The following LPP variants were observed in gnomAD, a reference collection of about 807,000 sequenced individuals.
LPP encodes lipoma-preferred partner.
Under a neutral mutation model 60.4 loss-of-function variants are expected in LPP, and 38 were observed. The ratio of observed to expected loss-of-function variants is 0.63; its 90% CI spans 0.49 to 0.83. The LOEUF (loss-of-function observed/expected upper bound fraction) is 0.83. LPP is among the 40% of genes least tolerant of loss of function. LPP has a pLI of 0.00. For synonymous variants in LPP, 328 were observed against 290.8 expected, an observed-to-expected ratio of 1.13 and a Z score of -1.30; for missense variants, 902 against 783.6, an observed-to-expected ratio of 1.15 and a Z score of -1.80.
chr3:188,352,034 G>A lies in LPP; in HGVS notation c.-10+10315G>A, dbSNP rs950050304. ...TTCCCTAGCTAGCCTCGACCTCAAC[G>A]TGTATTATTTCCTCCCCCCTTGTCA... is the stretch of plus-strand genomic sequence containing the variant. On this transcript the variant is annotated intron_variant, in intron 3 of 11. Coordinates refer to ENST00000617246, the MANE Select transcript of LPP (RefSeq NM_001375462.1). This position sits in a 1 kb window ranked among gnomAD's most constrained non-coding sequence, Gnocchi z 4.4. Among the ~76,000 whole-genome samples, 2 of 152,044 alleles carry A rather than the reference G, an allele frequency of 1.3e-5. No homozygotes were observed. Among genetic ancestry groups the A allele is most frequent in the East Asian group, 1.9e-4 (1 of 5,174 alleles).
At chr3:188,278,846 C>T (rs892416637) in intron 2 of LPP, among the ~76,000 whole-genome samples, 2 of 152,100 alleles carry the variant, frequency 1.3e-5, no homozygotes, top group African/African-American at 4.8e-5. Flanking sequence ...CAAAGCCTAG[C>T]CCACTTGAAA....
chr3:188,372,576 C>A (rs1269758597), intron 3 of LPP, among the ~76,000 whole-genome samples: 1 of 151,842 alleles, frequency 6.6e-6, no homozygotes, highest in Non-Finnish European at 1.5e-5. Context: ...CAGTTCTCTT[C>A]TGATTAGTGT....
intron 7 of LPP, among the ~76,000 whole-genome samples, chr3:188,672,439 A>T (rs1857133540): frequency 6.6e-6 from 1 of 151,862 alleles, no homozygotes; most frequent in South Asian, 2.1e-4. Context: ...TTTTCTTATT[A>T]ATTTGTTGTT....
chr3:188,340,818 A>T (rs1578198393), intron 2 of LPP, among the ~76,000 whole-genome samples: 1 of 152,218 alleles, frequency 6.6e-6, no homozygotes, highest in African/African-American at 2.4e-5. Flanking sequence ...ACTAGGAAAC[A>T]TAAGTCAAAG....
intron 5 of LPP, among the ~76,000 whole-genome samples, chr3:188,495,323 A>G (rs1271903997): frequency 2.7e-5 from 4 of 150,610 alleles, no homozygotes; most frequent in Non-Finnish European, 4.4e-5. Flanking sequence ...TTGGTAATAA[A>G]ATATCACTTC....
chr3:188,890,261 C>T lies in LPP; in HGVS notation c.*15782C>T, dbSNP rs191809606. 1.8e-3 allele frequency: 379 copies of T among 212,684 alleles called. 2 individuals are homozygous for T. Among genetic ancestry groups the T allele is most frequent in the Non-Finnish European group, 2.8e-3 (296 of 105,024 alleles). The allele number at this position is 212,684 out of a possible 1,614,324, so 13.2% of individuals were successfully genotyped here. On this transcript the variant is annotated 3_prime_UTR_variant, in exon 12 of 12. Coordinates refer to ENST00000617246, the MANE Select transcript of LPP (RefSeq NM_001375462.1). ...ACATTCCCTGACTTAGGGAAAGGCA[C>T]ACAAAAACATATAAAGAATATGTCT...
chr3:188,278,926 T>G (rs981292777), intron 2 of LPP, among the ~76,000 whole-genome samples: 2 of 152,218 alleles, frequency 1.3e-5, no homozygotes, highest in Non-Finnish European at 2.9e-5. Flanking sequence ...ATTTTTGTAT[T>G]ACTTTACATT....
At chr3:188,258,871 A>C (rs1203375199) in intron 2 of LPP, among the ~76,000 whole-genome samples, 3 of 152,256 alleles carry the variant, frequency 2.0e-5, no homozygotes, top group Admixed American at 2.0e-4. Flanking sequence ...GAGAACATTT[A>C]TATTTTTTTG....
intron 9 of LPP, among the ~76,000 whole-genome samples, chr3:188,828,972 T>C (rs938646308): frequency 6.6e-6 from 1 of 152,182 alleles, no homozygotes; most frequent in Non-Finnish European, 1.5e-5. Context: ...TCAAAATATC[T>C]ATAGTTTTGT....
At chr3:188,727,297 C>T (rs898247013) in intron 8 of LPP, among the ~76,000 whole-genome samples, 2 of 152,104 alleles carry the variant, frequency 1.3e-5, no homozygotes, top group African/African-American at 4.8e-5. Context: ...TGTGGGCTGA[C>T]ACACAGTTAA....
chr3:188,362,816 C>T (rs192844761), intron 3 of LPP, among the ~76,000 whole-genome samples: 2 of 152,244 alleles, frequency 1.3e-5, no homozygotes, highest in Admixed American at 6.5e-5. Flanking sequence ...GTGGAAACCA[C>T]GTTCTGTGGC....
chr3:188,311,987 A>T (rs756553600), intron 2 of LPP, among the ~76,000 whole-genome samples: 1 of 152,210 alleles, frequency 6.6e-6, no homozygotes, highest in Non-Finnish European at 1.5e-5. Flanking sequence ...AATAAGTAAC[A>T]CAAAAATATA....
intron 1 of LPP, among the ~76,000 whole-genome samples, chr3:188,163,801 A>AT (rs397991921): frequency 2.0e-5 from 3 of 150,762 alleles, no homozygotes; most frequent in Admixed American, 2.0e-4. Context: ...AAAAAAAAAA[A>AT]TTAGCCAGGT....
At chr3:188,708,090 A>T (rs144981767) in intron 7 of LPP, among the ~76,000 whole-genome samples, 177 bp from the exon 8 acceptor site, 33 of 152,374 alleles carry the variant, frequency 2.2e-4, no homozygotes, top group African/African-American at 7.7e-4. Context: ...ATGAGTAAAG[A>T]GATGTGTCCA....
At chr3:188,674,232 C>A (rs1275711535) in intron 7 of LPP, among the ~76,000 whole-genome samples, 1 of 152,162 alleles carries the variant, frequency 6.6e-6, no homozygotes, top group South Asian at 2.1e-4. Flanking sequence ...TAGATGGAAG[C>A]TTTATATCTC....
rs537300775 is a variant in LPP, at chr3:188,610,933, G to A, written c.1113+1089G>A. Among the ~76,000 whole-genome samples, 1 of 152,260 alleles carries A rather than the reference G, an allele frequency of 6.6e-6. No homozygotes were observed. Among genetic ancestry groups the A allele is most frequent in the South Asian group, 2.1e-4 (1 of 4,824 alleles). On this transcript the variant is annotated intron_variant, in intron 7 of 11. Transcript: ENST00000617246. This position sits in a 1 kb window ranked among gnomAD's most constrained non-coding sequence, Gnocchi z 4.4. ...GCTAGAAGTTCAATGGTAGTTTTGGGGGATGGATTGGGTAGAAGTTTGGAC... is the reference window on the plus strand; with the variant it reads ...GCTAGAAGTTCAATGGTAGTTTTGGAGGATGGATTGGGTAGAAGTTTGGAC...
intron 1 of LPP, among the ~76,000 whole-genome samples, chr3:188,164,099 G>A (rs1719213984): frequency 6.6e-6 from 1 of 152,194 alleles, no homozygotes; most frequent in Admixed American, 6.5e-5. Flanking sequence ...ATAAGAGAGT[G>A]CCGTGGGAGA....
intron 4 of LPP, among the ~76,000 whole-genome samples, chr3:188,443,134 T>C (rs1208532137): frequency 2.6e-5 from 4 of 152,228 alleles, no homozygotes; most frequent in Admixed American, 1.3e-4. Flanking sequence ...TCTATGCTTT[T>C]ATTACCAACA....
intron 2 of LPP, among the ~76,000 whole-genome samples, chr3:188,269,413 A>G (rs578000575): frequency 6.6e-6 from 1 of 152,300 alleles, no homozygotes; most frequent in Admixed American, 6.5e-5. Flanking sequence ...TTTATATTGA[A>G]TTCTCTTTGT....
Sources: allele counts gnomAD v4.1 joint callset (sites outside exome capture counted in the v4.1 genomes callset), GRCh38; gene constraint gnomAD v4.1.1; non-coding constraint Gnocchi (gnomAD v3.1); transcripts MANE v1.5; gene names NCBI Gene and HGNC (gene_info 2026-07-23, HGNC 2026-07-21).